Variants in MBD5 observed in about 807,000 individuals in gnomAD.
MBD5 encodes methyl-CpG binding domain protein 5.
Under a neutral mutation model 117.3 loss-of-function variants are expected in MBD5, and 13 were observed. The ratio of observed to expected loss-of-function variants is 0.11; its 90% CI spans 0.07 to 0.18. The LOEUF (loss-of-function observed/expected upper bound fraction) is 0.18. Ranked by LOEUF, MBD5 falls within the 10% of genes least tolerant of loss-of-function variation. MBD5 has a pLI of 1.00. For missense variants in MBD5, 1,879 were observed against 2,093.8 expected (o/e 0.90, Z 2.00); for synonymous variants, 727 against 766.4 (o/e 0.95, Z 0.85).
rs778625611 is a variant in MBD5, at chr2:148,342,328, C to T, written c.-565C>T. 6.6e-6 allele frequency: 1 copy of T among 152,028 alleles called. No individual in the cohort carries two copies. The highest frequency in any genetic ancestry group is 1.5e-5 in the Non-Finnish European group (1 of 67,968). The allele number at this position is 152,028 out of a possible 1,614,324, so 9.4% of individuals were successfully genotyped here. ...CGCTTGTTATGTTTTCATCACTTCT[C>T]TCCAGAAGGTAGGCATCATGGTTTC... On this transcript the variant is annotated 5_prime_UTR_variant, in exon 4 of 14. Coordinates refer to ENST00000642680, the MANE Select transcript of MBD5 (RefSeq NM_001378120.1).
At chr2:148,056,847 T>C (rs1694879279) in intron 1 of MBD5, among the ~76,000 whole-genome samples, 1 of 151,876 alleles carries the variant, frequency 6.6e-6, no homozygotes, top group South Asian at 2.1e-4. Flanking sequence ...TATAACCTAT[T>C]AAGGTTGCTT....
intron 8 of MBD5, chr2:148,481,689 T>TCA (rs1383733757): frequency 3.3e-5 from 5 of 152,178 alleles, no homozygotes; most frequent in Admixed American, 6.5e-5. Context: ...CCTATCTACC[T>TCA]CACCCCTTGT....
chr2:148,391,823 A>G (rs1464775435), intron 4 of MBD5, among the ~76,000 whole-genome samples: 1 of 152,206 alleles, frequency 6.6e-6, no homozygotes, highest in African/African-American at 2.4e-5. Context: ...GAAAACAGAT[A>G]AGTTAATATT....
Position 148,461,058 on chromosome 2 carries a change from G to A in MBD5, c.114-1524G>A, listed in dbSNP as rs111372002. On this transcript the variant is annotated intron_variant, in intron 5 of 13. Transcript: ENST00000642680. ...AACATTTCTCATGCCTCAGCCTCCC[G>A]AGTAGCTGGAATTACAAGCACACAC... 3.3e-5 allele frequency among the ~76,000 whole-genome samples: 5 copies of A among 152,240 alleles called. No homozygotes were observed. In the South Asian group the frequency reaches 6.2e-4, roughly 19 times the overall value.
chr2:148,442,735 C>CA (rs1489364550), intron 4 of MBD5, among the ~76,000 whole-genome samples: 1 of 151,106 alleles, frequency 6.6e-6, no homozygotes, highest in Non-Finnish European at 1.5e-5. Flanking sequence ...TTGCAATATA[C>CA]AAAAATCAAA....
chr2:148,158,869 G>A (rs1351409309), intron 1 of MBD5, among the ~76,000 whole-genome samples: 4 of 152,310 alleles, frequency 2.6e-5, no homozygotes, highest in East Asian at 3.9e-4. Context: ...ACAGGCGCCC[G>A]CCACCATGCC....
intron 4 of MBD5, among the ~76,000 whole-genome samples, chr2:148,413,510 C>CT (rs56767489): frequency 0.11 from 15,962 of 139,696 alleles, 1,929 homozygotes; most frequent in African/African-American, 0.3. Flanking sequence ...CCTCCCCCAC[C>CT]TTTTTTTTTT....
intron 3 of MBD5, among the ~76,000 whole-genome samples, chr2:148,291,921 A>G (rs774724371): frequency 4.6e-5 from 7 of 152,236 alleles, no homozygotes; most frequent in Non-Finnish European, 8.8e-5. Flanking sequence ...ATACACATAC[A>G]GTGAACTCAT....
rs374960250 is a variant in MBD5, at chr2:148,140,923, G to A, written c.-924-37777G>A. On this transcript the variant is annotated intron_variant, in intron 1 of 13. Transcript: ENST00000642680. ...TGGGACTATAGGTGTGTACCACCTC[G>A]CCCAGCTAATTTTTTTATTTTTTAC... Among the ~76,000 whole-genome samples the A allele has an allele frequency of 3.6e-4, 54 of 151,912 alleles. 1 individual carries two copies. The East Asian group carries it at 0.01, about 28-fold the overall frequency.
At chr2:148,219,852 A>G (rs1699641294) in intron 2 of MBD5, 1 of 152,346 alleles carries the variant, frequency 6.6e-6, no homozygotes, top group East Asian at 1.9e-4. Flanking sequence ...GTGTGAGCCA[A>G]CCTCTAGGAT....
intron 2 of MBD5, among the ~76,000 whole-genome samples, chr2:148,228,047 C>T (rs935690171): frequency 2.6e-5 from 4 of 152,308 alleles, no homozygotes; most frequent in African/African-American, 9.6e-5. Context: ...ACAATCATGT[C>T]CTCTGCAAAC....
At position 148,415,655 on chromosome 2, in the gene MBD5, T is replaced by A. The variant is rs200813265; in HGVS notation, c.-556-42548T>A. On this transcript the variant is annotated intron_variant, in intron 4 of 13. Coordinates refer to ENST00000642680, the MANE Select transcript of MBD5 (RefSeq NM_001378120.1). ...AATTCCATATTTCTTGGAGGTTTTGTTCATTCTTTTTTATTATTTTTTATT... is the reference window on the plus strand; with the variant it reads ...AATTCCATATTTCTTGGAGGTTTTGATCATTCTTTTTTATTATTTTTTATT... Among the ~76,000 whole-genome samples, 18 of 152,286 alleles carry A rather than the reference T, an allele frequency of 1.2e-4. No homozygotes were observed. The East Asian group carries it at 3.5e-3, about 29-fold the overall frequency.
chr2:148,140,977 G>C (rs746318694), intron 1 of MBD5, among the ~76,000 whole-genome samples: 13 of 151,948 alleles, frequency 8.6e-5, no homozygotes, highest in African/African-American at 1.2e-4. Flanking sequence ...TCATCATGTT[G>C]CCCAGGCTGT....
At chr2:148,352,583 T>TGAGTA (rs1243781696) in intron 4 of MBD5, among the ~76,000 whole-genome samples, 76 of 152,196 alleles carry the variant, frequency 5.0e-4, no homozygotes, top group African/African-American at 1.7e-3. Context: ...ATTCCTATAA[T>TGAGTA]GTCATTTGAA....
chr2:148,132,709 A>T (rs1008069715), intron 1 of MBD5, among the ~76,000 whole-genome samples: 1 of 152,132 alleles, frequency 6.6e-6, no homozygotes, highest in African/African-American at 2.4e-5. Context: ...CAGTCTCTTA[A>T]TCTAGGTTAG....
At chr2:148,201,558 C>T (rs573845228) in intron 2 of MBD5, among the ~76,000 whole-genome samples, 9 of 152,328 alleles carry the variant, frequency 5.9e-5, no homozygotes, top group Non-Finnish European at 1.0e-4. Flanking sequence ...TATGGGATGG[C>T]TGCCCTCTGC....
At chr2:148,236,571 G>A (rs1001754220) in intron 3 of MBD5, among the ~76,000 whole-genome samples, 5 of 152,104 alleles carry the variant, frequency 3.3e-5, no homozygotes, top group Admixed American at 1.3e-4. Context: ...AACAGCAAAC[G>A]TAAAATAGTC....
chr2:148,097,878 A>G (rs1696108834), intron 1 of MBD5, among the ~76,000 whole-genome samples: 1 of 152,248 alleles, frequency 6.6e-6, no homozygotes, highest in Non-Finnish European at 1.5e-5. Context: ...ATGTTGTGCC[A>G]GTGCCTAGAG....
chr2:148,106,989 A>C (rs1285097640), intron 1 of MBD5, among the ~76,000 whole-genome samples: 1 of 151,628 alleles, frequency 6.6e-6, no homozygotes, highest in Non-Finnish European at 1.5e-5. Context: ...ATCTGTTATT[A>C]TTGTCCTTTT....
Sources: gnomAD v4.1 joint callset for allele counts (sites outside exome capture counted in the v4.1 genomes callset) on GRCh38, gnomAD v4.1.1 for gene constraint, MANE v1.5 for transcripts, NCBI Gene and HGNC (gene_info 2026-07-23, HGNC 2026-07-21) for gene names.